LMTK3: variants seen among roughly 807,000 people sequenced by gnomAD.
LMTK3 encodes the protein lemur tail kinase 3, also known as serine/threonine-protein kinase LMTK3.
A neutral mutation model predicts 116.7 loss-of-function variants in LMTK3; 27 were observed. That is an observed-to-expected ratio of 0.23 (90% CI 0.17 to 0.32). The LOEUF is 0.32. Among genes scored for constraint, LMTK3 ranks in the 10% least tolerant of loss-of-function variants. The pLI is 1.00. For synonymous variants in LMTK3, 965 were observed against 971.0 expected (o/e 0.99, Z 0.11); for missense variants, 1,764 against 2,068.5 (o/e 0.85, Z 2.86).
intron 14 of LMTK3, among the ~76,000 whole-genome samples, chr19:48,486,260 C>T (rs1972123563): frequency 6.7e-6 from 1 of 150,004 alleles, no homozygotes; most frequent in African/African-American, 2.5e-5. Context: ...GGGGTTTCAC[C>T]GTTTTAGCCG....
chr19:48,507,569 G>T (rs376749905), intron 5 of LMTK3, among the ~76,000 whole-genome samples: 2 of 152,212 alleles, frequency 1.3e-5, no homozygotes, highest in East Asian at 3.8e-4. Context: ...CTGAGGAAAT[G>T]TGTTTTTAAT....
chr19:48,501,731 T>A (rs1972471882), intron 7 of LMTK3, among the ~76,000 whole-genome samples, 169 bp from the exon 8 acceptor site: 1 of 151,764 alleles, frequency 6.6e-6, no homozygotes. Context: ...TCTCCCCTGC[T>A]GTCTTGTCTT....
chr19:48,486,220 C>G (rs897526915), intron 14 of LMTK3, among the ~76,000 whole-genome samples: 3 of 150,324 alleles, frequency 2.0e-5, no homozygotes, highest in Non-Finnish European at 4.4e-5. Flanking sequence ...CCACTACGCC[C>G]GGCTAATTTT....
intron 14 of LMTK3, among the ~76,000 whole-genome samples, chr19:48,490,524 CAA>C (rs397860073): frequency 0.063 from 2,988 of 47,570 alleles, 20 homozygotes; most frequent in Middle Eastern, 0.098. Context: ...GACTCCGTCT[CAA>C]AAAAAAAAAA....
chr19:48,497,502 C>A lies in LMTK3; in HGVS notation c.3567G>T (p.Thr1189=), dbSNP rs548342725. 6.2e-6 allele frequency: 9 copies of A among 1,456,408 alleles called. No individual in the cohort carries two copies. The South Asian group carries it at 1.2e-4, about 19-fold the overall frequency. 90.2% of individuals were successfully genotyped at this position (1,456,408 alleles called of 1,614,324 possible). A position where few individuals can be genotyped will look rare whatever the true frequency, so the allele number is the denominator to read the frequency against. Residue 1189 remains threonine, a synonymous_variant, in exon 11 of 15, where the codon ACG becomes ACT. Coordinates refer to ENST00000600059, the MANE Select transcript of LMTK3 (RefSeq NM_001388485.1). The surrounding 1 kb of genome is among the most constrained non-coding windows in gnomAD (Gnocchi z 5.7). ...GGGGGTCCCCGTCTCCGCTGAGTGCCGTGTCTCCGCCGGCCCTGCTGTCTG... is the reference window on the plus strand; with the variant it reads ...GGGGGTCCCCGTCTCCGCTGAGTGCAGTGTCTCCGCCGGCCCTGCTGTCTG... ...GAPDSRAGGD[T]ALSGDGDPPK...
chr19:48,509,544 G>A (rs1972623726), intron 3 of LMTK3, 31 bp from the exon 4 acceptor site: 1 of 1,523,898 alleles, frequency 6.6e-7, no homozygotes, highest in Non-Finnish European at 8.9e-7. Context: ...AAGCCCCTGA[G>A]TCTCTCCCCC....
intron 9 of LMTK3, 50 bp downstream of exon 9, chr19:48,501,233 C>G (rs746021928): frequency 6.2e-7 from 1 of 1,609,476 alleles, no homozygotes; most frequent in Non-Finnish European, 8.5e-7. Flanking sequence ...CATCTAGTAA[C>G]CCTTCCACCT....
chr19:48,489,130 A>G (rs1233904175), intron 14 of LMTK3, among the ~76,000 whole-genome samples: 1 of 152,254 alleles, frequency 6.6e-6, no homozygotes, highest in Non-Finnish European at 1.5e-5. Context: ...CATTTGTCAT[A>G]GCAGTGTGTG....
Position 48,499,005 on chromosome 19 carries a change from G to T in LMTK3, c.2064C>A (p.Ala688=). 7.1e-7 allele frequency: 1 copy of T among 1,417,562 alleles called. No homozygotes were observed. The highest frequency in any genetic ancestry group is 9.2e-7 in the Non-Finnish European group (1 of 1,084,428). 87.8% of individuals were successfully genotyped at this position (1,417,562 alleles called of 1,614,324 possible). Residue 688 remains alanine, a synonymous_variant, in exon 11 of 15, where the codon GCC becomes GCA. Coordinates refer to ENST00000600059, the MANE Select transcript of LMTK3 (RefSeq NM_001388485.1). ...CAGGGTGGCCTCCCCAGCCTGCTAC[G>T]GCGTCCCCCCGCTCCAGTGGCAGGC... ...CSCLPLERGD[A]VAGWGGHPAL... is the part of the protein sequence containing the mutation.
intron 11 of LMTK3, among the ~76,000 whole-genome samples, chr19:48,495,201 G>C (rs1245423122): frequency 1.3e-5 from 2 of 151,964 alleles, no homozygotes; most frequent in African/African-American, 2.4e-5. Flanking sequence ...GTAGAGACAG[G>C]GTTTCACCAT....
intron 5 of LMTK3, among the ~76,000 whole-genome samples, chr19:48,504,832 G>A (rs1223583006): frequency 6.6e-6 from 1 of 151,930 alleles, no homozygotes; most frequent in East Asian, 1.9e-4. Context: ...ACAGGCATGA[G>A]CCACCGTGCC....
At position 48,502,499 on chromosome 19, in the gene LMTK3, A is replaced by G; in HGVS notation, c.728T>C (p.Leu243Pro). 6.2e-7 allele frequency: 1 copy of G among 1,610,128 alleles called. No homozygotes were observed. Residue 243 changes from leucine to proline, a missense_variant, in exon 7 of 15, where the codon CTG becomes CCG. Transcript: ENST00000600059. ...GGCGATCTCCAGGCCCATCCTCTGC[A>G]GCGTCCGCAGGTCTCGAGGGGGTAG... The part of the protein sequence containing the change: ...PELPPRDLRT[L>P]QRMGLEIARG...
At position 48,486,100 on chromosome 19, in the gene LMTK3, C is replaced by T. The variant is rs537922589; in HGVS notation, c.4367-311G>A. Among the ~76,000 whole-genome samples the T allele has an allele frequency of 3.6e-5, 5 of 138,418 alleles. No homozygotes were observed. In the East Asian group the frequency reaches 1.1e-3, roughly 30 times the overall value. The allele number at this position is 138,418 out of a possible 152,430, so 90.8% of individuals were successfully genotyped here. ...TTTGAGACGGAGTCTCGCTCTGTCG[C>T]CCAGGCTGGAGTGCAGTGGCGCGAT... is the stretch of plus-strand genomic sequence containing the variant. On this transcript the variant is annotated intron_variant, in intron 14 of 14. Transcript: ENST00000600059.
chr19:48,510,550 G>A lies in LMTK3; in HGVS notation c.119C>T (p.Ala40Val), dbSNP rs1972639166. 1.3e-6 allele frequency: 2 copies of A among 1,599,614 alleles called. No homozygotes were observed. The highest frequency in any genetic ancestry group is 1.7e-6 in the Non-Finnish European group (2 of 1,173,620). ...GCCGGAGCAGGAAATGAGGACCACAGCGTAGGGAGGAGCCAGAGGAGCCCG... is the reference window on the plus strand; with the variant it reads ...GCCGGAGCAGGAAATGAGGACCACAACGTAGGGAGGAGCCAGAGGAGCCCG... ...LGRAPLAPPY[A>V]VVLISCSGLL... Residue 40 changes from alanine to valine, a missense_variant, in exon 2 of 15, where the codon GCT becomes GTT. Ala to Val is a moderately conservative substitution (Grantham distance 64, BLOSUM62 0). Coordinates refer to ENST00000600059, the MANE Select transcript of LMTK3 (RefSeq NM_001388485.1).
At chr19:48,503,129 A>C in intron 5 of LMTK3, 133 bp from the exon 6 acceptor site, 1 of 666,584 alleles carries the variant, frequency 1.5e-6, no homozygotes, top group South Asian at 1.7e-5. Context: ...TTTGAGACGG[A>C]GTCTCGCTCT....
At chr19:48,489,367 G>T (rs1272072869) in intron 14 of LMTK3, among the ~76,000 whole-genome samples, 1 of 152,154 alleles carries the variant, frequency 6.6e-6, no homozygotes, top group Non-Finnish European at 1.5e-5. Flanking sequence ...GAGGTCTGGA[G>T]TTCAAGACCA....
rs767926560 is a variant in LMTK3, at chr19:48,497,629, G to GGCGGTGGCT, written c.3431_3439dup (p.Gln1144_Pro1146dup). 3.9e-6 allele frequency: 5 copies of GGCGGTGGCT among 1,270,330 alleles called. No homozygotes were observed. In the South Asian group the frequency reaches 9.2e-5, roughly 23 times the overall value. 78.7% of individuals were successfully genotyped at this position (1,270,330 alleles called of 1,614,324 possible). ...CTCCGGTGGCGGTGGCAGCGGTGGC[G>GGCGGTGGCT]GCGGTGGCTGCGGCCTCGTGTTGTC... On this transcript the variant is annotated inframe_insertion, in exon 11 of 15. Coordinates refer to ENST00000600059, the MANE Select transcript of LMTK3 (RefSeq NM_001388485.1). This position sits in a 1 kb window ranked among gnomAD's most constrained non-coding sequence, Gnocchi z 5.7.
At position 48,497,494 on chromosome 19, in the gene LMTK3, C is replaced by G; in HGVS notation, c.3575G>C (p.Ser1192Thr). ...DSRAGGDTAL[S>T]GDGDPPKPER... ...GGGCTTGGGGGGGTCCCCGTCTCCG[C>G]TGAGTGCCGTGTCTCCGCCGGCCCT... Residue 1192 changes from serine to threonine, a missense_variant, in exon 11 of 15, where the codon AGC becomes ACC. By Grantham distance (58) the Ser-to-Thr change is moderately conservative. This residue lies in a region of LMTK3 where 1,028 missense variants were observed against 1,050.6 expected (regional missense o/e 0.98). Coordinates refer to ENST00000600059, the MANE Select transcript of LMTK3 (RefSeq NM_001388485.1). This position sits in a 1 kb window ranked among gnomAD's most constrained non-coding sequence, Gnocchi z 5.7. 1 of 1,472,244 alleles carries G rather than the reference C, an allele frequency of 6.8e-7. No homozygotes were observed. Among genetic ancestry groups the G allele is most frequent in the South Asian group, 1.4e-5 (1 of 69,754 alleles). The allele number at this position is 1,472,244 out of a possible 1,614,324, so 91.2% of individuals were successfully genotyped here. A position where few individuals can be genotyped will look rare whatever the true frequency, so the allele number is the denominator to read the frequency against.
At chr19:48,487,199 TA>T (rs1323688348) in intron 14 of LMTK3, among the ~76,000 whole-genome samples, 2 of 152,076 alleles carry the variant, frequency 1.3e-5, no homozygotes, top group Non-Finnish European at 2.9e-5. Flanking sequence ...CACACCCAGC[TA>T]ATTTTTGTAT....
Sources: allele counts gnomAD v4.1 joint callset (sites outside exome capture counted in the v4.1 genomes callset), GRCh38; gene constraint gnomAD v4.1.1; regional missense constraint gnomAD v4.1.1; non-coding constraint Gnocchi (gnomAD v3.1); transcripts MANE v1.5; gene names NCBI Gene and HGNC (gene_info 2026-07-23, HGNC 2026-07-21).